The following TRIM58 variants were observed in gnomAD, a reference collection of about 807,000 sequenced individuals.
TRIM58 encodes the protein E3 ubiquitin-protein ligase TRIM58.
TRIM58 carries 38 observed loss-of-function variants against 34.1 expected under a neutral mutation model. The ratio of observed to expected loss-of-function variants is 1.12; its 90% CI spans 0.86 to 1.46. The LOEUF is 1.46. TRIM58 is among the 40% of genes most tolerant of loss of function. The pLI is 0.00. For missense variants in TRIM58, 677 were observed against 642.0 expected, an observed-to-expected ratio of 1.05 and a Z score of -0.59; for synonymous variants, 273 against 275.7, an observed-to-expected ratio of 0.99 and a Z score of 0.10.
At chr1:247,863,268 A>G (rs1472226989) in intron 2 of TRIM58, among the ~76,000 whole-genome samples, 3 of 152,228 alleles carry the variant, frequency 2.0e-5, no homozygotes, top group Non-Finnish European at 4.4e-5. Flanking sequence ...GGCTGGGCAC[A>G]GTGGCTCACG....
At position 247,857,600 on chromosome 1, in the gene TRIM58, C is replaced by T. The variant is rs1343489342; in HGVS notation, c.354C>T (p.Cys118=). 2.4e-6 allele frequency: 3 copies of T among 1,258,908 alleles called. No individual in the cohort carries two copies. The highest frequency in any genetic ancestry group is 9.9e-7 in the Non-Finnish European group (1 of 1,005,322). The allele number at this position is 1,258,908 out of a possible 1,614,324, so 78.0% of individuals were successfully genotyped here. ...EEDEAALCWV[C]DAGPEHRTHR... The stretch of plus-strand genomic sequence containing the variant: ...ACGAGGCGGCGCTGTGCTGGGTGTG[C>T]GACGCCGGCCCCGAGCACAGGACGC... The change falls in exon 1 of 6, where the codon TGC becomes TGT. Residue 118 remains cysteine (C), a synonymous_variant. Coordinates refer to ENST00000366481, the MANE Select transcript of TRIM58 (RefSeq NM_015431.4).
At chr1:247,858,540 C>T (rs1031113737) in intron 1 of TRIM58, among the ~76,000 whole-genome samples, 3 of 152,212 alleles carry the variant, frequency 2.0e-5, no homozygotes, top group Non-Finnish European at 2.9e-5. Flanking sequence ...CAAATACTTT[C>T]TTAAAATTTT....
chr1:247,857,375 C>G lies in TRIM58; in HGVS notation c.129C>G (p.Phe43Leu), dbSNP rs1663656404. 6.5e-7 allele frequency: 1 copy of G among 1,527,208 alleles called. No homozygotes were observed. The highest frequency in any genetic ancestry group is 1.2e-5 in the South Asian group (1 of 80,592). 94.6% of individuals were successfully genotyped at this position (1,527,208 alleles called of 1,614,324 possible). Reference sequence around the variant, plus strand: ...TCTGCCTCAGGTGCATCTCCGAGTTCTGCGAGAAGTCGGACGGCGCGCAGG... The same window carrying G: ...TCTGCCTCAGGTGCATCTCCGAGTTGTGCGAGAAGTCGGACGGCGCGCAGG... ...HSFCLRCISE[F>L]CEKSDGAQGG... The change falls in exon 1 of 6, where the codon TTC (phenylalanine) becomes TTG (leucine). Residue 43 changes from phenylalanine to leucine, a missense_variant. Physicochemically the swap from Phe to Leu is conservative, Grantham distance 22. Coordinates refer to ENST00000366481, the MANE Select transcript of TRIM58 (RefSeq NM_015431.4).
chr1:247,876,339 C>G lies in TRIM58; in HGVS notation c.1311C>G (p.Asn437Lys). 1 of 1,614,160 alleles carries G rather than the reference C, an allele frequency of 6.2e-7. No homozygotes were observed. Among genetic ancestry groups the G allele is most frequent in the Non-Finnish European group, 8.5e-7 (1 of 1,180,038 alleles). Residue 437 changes from asparagine to lysine, a missense_variant, in exon 6 of 6, where the codon AAC (asparagine) becomes AAG (lysine). By Grantham distance (94) the Asn-to-Lys change is moderately conservative (BLOSUM62 0). Transcript: ENST00000366481. The part of the protein sequence containing the change: ...VTDGSYIYTF[N>K]QLFSGLLRPY... ...ATGGATCTTATATCTACACATTCAACCAACTCTTCTCTGGTCTTCTTCGGC... is the reference window on the plus strand; with the variant it reads ...ATGGATCTTATATCTACACATTCAAGCAACTCTTCTCTGGTCTTCTTCGGC...
At chr1:247,869,885 T>C (rs905546497) in intron 5 of TRIM58, among the ~76,000 whole-genome samples, 39 of 152,186 alleles carry the variant, frequency 2.6e-4, no homozygotes, top group Admixed American at 2.3e-3. Flanking sequence ...CGCAGTGGGA[T>C]ACAGATGCTT....
chr1:247,866,559 C>G (rs937467064), intron 3 of TRIM58, among the ~76,000 whole-genome samples: 11 of 152,184 alleles, frequency 7.2e-5, no homozygotes, highest in South Asian at 2.1e-4. Context: ...GCATGAGCCA[C>G]CCCGCCTGGC....
At chr1:247,858,185 C>CA (rs1266610515) in intron 1 of TRIM58, among the ~76,000 whole-genome samples, 1 of 152,146 alleles carries the variant, frequency 6.6e-6, no homozygotes, top group Non-Finnish European at 1.5e-5. Flanking sequence ...CTCCAAAGCT[C>CA]AGGTGCACGT....
chr1:247,873,584 T>C (rs1345233953), intron 5 of TRIM58, among the ~76,000 whole-genome samples: 4 of 152,204 alleles, frequency 2.6e-5, no homozygotes, highest in Non-Finnish European at 5.9e-5. Flanking sequence ...TCTTGTGTAA[T>C]GTAGGGATGA....
intron 5 of TRIM58, among the ~76,000 whole-genome samples, chr1:247,875,358 T>G (rs764209326): frequency 3.3e-5 from 5 of 152,138 alleles, no homozygotes; most frequent in Non-Finnish European, 7.3e-5. Context: ...TCCTCCTAAG[T>G]GCACTCAAAT....
intron 5 of TRIM58, among the ~76,000 whole-genome samples, chr1:247,875,379 T>C (rs536621507): frequency 4.6e-5 from 7 of 152,278 alleles, no homozygotes; most frequent in Non-Finnish European, 7.4e-5. Context: ...GCTTTGGATG[T>C]AAGCCAGACA....
At chr1:247,873,981 T>C (rs1185195814) in intron 5 of TRIM58, among the ~76,000 whole-genome samples, 1 of 151,990 alleles carries the variant, frequency 6.6e-6, no homozygotes, top group Non-Finnish European at 1.5e-5. Context: ...AAAAAGTAGT[T>C]CACTGTAAGT....
chr1:247,864,779 G>A lies in TRIM58; in HGVS notation c.591G>A (p.Glu197=), dbSNP rs1189715262. Residue 197 remains glutamate, a synonymous_variant, in exon 3 of 6, where the codon GAG becomes GAA. Transcript: ENST00000366481. The part of the protein sequence containing the change: ...EKHRGFLAQE[E]QRQLRRLEAE... ...ATCGTGGCTTTCTGGCCCAGGAGGA[G>A]CAACGGCAGCTGAGGCGGCTGGAGG... The A allele has an allele frequency of 4.3e-6, 7 of 1,614,066 alleles. No homozygotes were observed. In the South Asian group the frequency reaches 5.5e-5, roughly 13 times the overall value.
chr1:247,874,648 T>C (rs1472967552), intron 5 of TRIM58, among the ~76,000 whole-genome samples: 1 of 152,232 alleles, frequency 6.6e-6, no homozygotes, highest in Non-Finnish European at 1.5e-5. Context: ...TCAATCTCAC[T>C]GGGACTTCAG....
At chr1:247,865,147 G>A (rs570008612) in intron 3 of TRIM58, among the ~76,000 whole-genome samples, 9 of 152,296 alleles carry the variant, frequency 5.9e-5, no homozygotes, top group African/African-American at 2.2e-4. Context: ...CATATAGTTT[G>A]AGTCTGGCAT....
At chr1:247,866,799 C>T (rs79621094) in intron 3 of TRIM58, among the ~76,000 whole-genome samples, 52 of 151,944 alleles carry the variant, frequency 3.4e-4, no homozygotes, top group African/African-American at 1.2e-3. Flanking sequence ...AGAGATGAGG[C>T]TTGGTTGTGT....
intron 5 of TRIM58, among the ~76,000 whole-genome samples, chr1:247,869,374 C>T (rs577499055): frequency 3.9e-5 from 6 of 152,338 alleles, no homozygotes; most frequent in Non-Finnish European, 5.9e-5. Flanking sequence ...GTTGGTTCCC[C>T]TGGCAACCAC....
At position 247,878,249 on chromosome 1, in the gene TRIM58, A is replaced by G. The variant is rs1172021006; in HGVS notation, c.*1760A>G. The G allele has an allele frequency of 2.0e-5, 3 of 152,158 alleles. No individual in the cohort carries two copies. The highest frequency in any genetic ancestry group is 1.9e-4 in the East Asian group (1 of 5,198). The allele number at this position is 152,158 out of a possible 1,614,324, so 9.4% of individuals were successfully genotyped here. A position where few individuals can be genotyped will look rare whatever the true frequency, so the allele number is the denominator to read the frequency against. On this transcript the variant is annotated 3_prime_UTR_variant, in exon 6 of 6. Coordinates refer to ENST00000366481, the MANE Select transcript of TRIM58 (RefSeq NM_015431.4). ...AAATGTTTAAATGGTAAATGCTTCA[A>G]TGCTAACCAAATATTAATTAATGGC...
chr1:247,858,058 T>C (rs1663682738), intron 1 of TRIM58, among the ~76,000 whole-genome samples: 1 of 152,200 alleles, frequency 6.6e-6, no homozygotes, highest in Non-Finnish European at 1.5e-5. Flanking sequence ...ATAATTCTCA[T>C]TTGTGCAATG....
intron 5 of TRIM58, among the ~76,000 whole-genome samples, chr1:247,873,706 G>A (rs1340917375): frequency 6.6e-6 from 1 of 152,174 alleles, no homozygotes; most frequent in African/African-American, 2.4e-5. Context: ...GGCAGCTCAC[G>A]CCTGTAATCC....
Sources: gnomAD v4.1 joint callset for allele counts (sites outside exome capture counted in the v4.1 genomes callset) on GRCh38, gnomAD v4.1.1 for gene constraint, MANE v1.5 for transcripts, NCBI Gene and HGNC (gene_info 2026-07-23, HGNC 2026-07-21) for gene names.